Variants in PTPRQ observed in about 807,000 individuals in gnomAD.
PTPRQ encodes phosphatidylinositol phosphatase PTPRQ.
A neutral mutation model predicts 246.0 loss-of-function variants in PTPRQ; 199 were observed. The ratio of observed to expected loss-of-function variants is 0.81; its 90% CI spans 0.72 to 0.91. PTPRQ has a LOEUF of 0.91. PTPRQ is among the 40% of genes least tolerant of loss of function. PTPRQ has a pLI of 0.00. For missense variants in PTPRQ, 2,624 were observed against 2,528.4 expected (o/e 1.04, Z -0.81); for synonymous variants, 869 against 853.2 (o/e 1.02, Z -0.32).
At chr12:80,657,962 T>G in intron 38 of PTPRQ, 23 bp from the exon 39 acceptor site, 7 of 1,375,588 alleles carry the variant, frequency 5.1e-6, no homozygotes, top group Non-Finnish European at 6.7e-6. Context: ...CAATTAACAT[T>G]GATTCCTTAT....
chr12:80,657,150 C>T (rs1478119916), intron 38 of PTPRQ, among the ~76,000 whole-genome samples: 1 of 151,690 alleles, frequency 6.6e-6, no homozygotes. Flanking sequence ...GATATGTAGC[C>T]TTCTGTTTTT....
chr12:80,517,103 G>C (rs1895326974), intron 17 of PTPRQ, among the ~76,000 whole-genome samples: 1 of 152,138 alleles, frequency 6.6e-6, no homozygotes, highest in Non-Finnish European at 1.5e-5. Flanking sequence ...TCTGAAGCTT[G>C]AGTGCCAAGG....
At position 80,500,151 on chromosome 12, in the gene PTPRQ, G is replaced by A. The variant is rs534696073; in HGVS notation, c.2272+3620G>A. On this transcript the variant is annotated intron_variant, in intron 14 of 44. Coordinates refer to ENST00000644991, the MANE Select transcript of PTPRQ (RefSeq NM_001145026.2). ...TTATATGCCAAACAATAGTCTTTTG[G>A]CAGATTCAAGGTAACTTCCCTTTTT... 9.9e-5 allele frequency among the ~76,000 whole-genome samples: 15 copies of A among 151,998 alleles called. No individual in the cohort carries two copies. The South Asian group carries it at 2.5e-3, about 25-fold the overall frequency.
intron 25 of PTPRQ, among the ~76,000 whole-genome samples, chr12:80,553,385 T>C (rs116299009): frequency 0.013 from 2,001 of 152,204 alleles, 52 homozygotes; most frequent in African/African-American, 0.046. Flanking sequence ...AATTGTTTGT[T>C]GATAAGAGGT....
At chr12:80,589,264 C>G (rs1565804536) in intron 26 of PTPRQ, among the ~76,000 whole-genome samples, 1 of 152,082 alleles carries the variant, frequency 6.6e-6, no homozygotes, top group Non-Finnish European at 1.5e-5. Flanking sequence ...AGTTGCAAAT[C>G]AAGTCCTGCA....
intron 35 of PTPRQ, among the ~76,000 whole-genome samples, chr12:80,638,560 A>G (rs1899741874): frequency 6.6e-6 from 1 of 152,158 alleles, no homozygotes; most frequent in South Asian, 2.1e-4. Flanking sequence ...TATTTTAGAA[A>G]TTATTTAACT....
At chr12:80,479,398 A>G (rs7974128) in intron 8 of PTPRQ, among the ~76,000 whole-genome samples, 9,873 of 151,810 alleles carry the variant, frequency 0.065, 774 homozygotes, top group African/African-American at 0.19. Context: ...GAAAGGAACA[A>G]CTGGTACCAG....
intron 23 of PTPRQ, among the ~76,000 whole-genome samples, chr12:80,544,125 A>G (rs1896235051): frequency 6.6e-6 from 1 of 152,102 alleles, no homozygotes; most frequent in Non-Finnish European, 1.5e-5. Context: ...CTGACTCCAA[A>G]TTACCTGGCT....
intron 25 of PTPRQ, among the ~76,000 whole-genome samples, chr12:80,583,340 T>C (rs543058531): frequency 6.6e-6 from 1 of 152,328 alleles, no homozygotes; most frequent in East Asian, 1.9e-4. Flanking sequence ...TGAGTGATTT[T>C]TTTCAATATT....
At chr12:80,652,680 TA>T (rs1425373311) in intron 37 of PTPRQ, 63 bp from the exon 38 acceptor site, 1 of 1,414,156 alleles carries the variant, frequency 7.1e-7, no homozygotes, top group Non-Finnish European at 9.2e-7. Context: ...AACTGTCTTT[TA>T]ATAAGTGAAA....
intron 1 of PTPRQ, 84 bp from the exon 2 acceptor site, chr12:80,444,657 T>C (rs1046530359): frequency 9.9e-7 from 1 of 1,010,332 alleles, no homozygotes. Context: ...GAAGAGTTAA[T>C]TTTTGTTATA....
rs1893520295 is a variant in PTPRQ, at chr12:80,468,613, T to C, written c.911-97T>C. ...TCTGCTTTTAAGCGCGATATTTTAT[T>C]TTCCTTCTTTGCCTTTGTGTTTTAT... is the stretch of plus-strand genomic sequence containing the variant. On this transcript the variant is annotated intron_variant, in intron 6 of 44. Transcript: ENST00000644991. 4 of 1,225,680 alleles carry C rather than the reference T, an allele frequency of 3.3e-6. No individual in the cohort carries two copies. In the African/African-American group the frequency reaches 4.7e-5, roughly 14 times the overall value. The allele number at this position is 1,225,680 out of a possible 1,614,324, so 75.9% of individuals were successfully genotyped here.
In PTPRQ at chr12:80,510,397, C is replaced by CCCCTG; in HGVS notation, c.2633_2637dup (p.Glu880ProfsTer21). 1 of 1,550,380 alleles carries CCCCTG rather than the reference C, an allele frequency of 6.5e-7. No homozygotes were observed. The highest frequency in any genetic ancestry group is 8.7e-7 in the Non-Finnish European group (1 of 1,146,102). On this transcript the variant is annotated frameshift_variant, in exon 17 of 45. Coordinates refer to ENST00000644991, the MANE Select transcript of PTPRQ (RefSeq NM_001145026.2). LOFTEE classifies it high-confidence loss of function. ...CACGGTGAAGTTGTCATGGCAACCA[C>CCCCTG]CCCTGGAGCCAAATGGAATTATCCT...
At position 80,679,180 on chromosome 12, in the gene PTPRQ, T is replaced by C; in HGVS notation, c.*157T>C. On this transcript the variant is annotated 3_prime_UTR_variant, in exon 45 of 45. Transcript: ENST00000644991. ...ACGGATTGAACATTTTAAGACTAGT[T>C]CTTGAAAATAGCTAATACAGAATAA... 1 of 767,282 alleles carries C rather than the reference T, an allele frequency of 1.3e-6. No individual in the cohort carries two copies. The highest frequency in any genetic ancestry group is 3.0e-5 in the East Asian group (1 of 33,520). 47.5% of individuals were successfully genotyped at this position (767,282 alleles called of 1,614,324 possible). A position where few individuals can be genotyped will look rare whatever the true frequency, so the allele number is the denominator to read the frequency against.
At chr12:80,553,154 A>G (rs1207606339) in intron 25 of PTPRQ, among the ~76,000 whole-genome samples, 1 of 152,106 alleles carries the variant, frequency 6.6e-6, no homozygotes, top group Non-Finnish European at 1.5e-5. Context: ...ACTCCATTAC[A>G]ATATATTATT....
chr12:80,634,834 T>C (rs1240894079), intron 34 of PTPRQ, 111 bp from the exon 35 acceptor site: 23 of 1,436,902 alleles, frequency 1.6e-5, no homozygotes, highest in Non-Finnish European at 1.7e-5. Flanking sequence ...GAGAGGTGAT[T>C]TTAACAAGGA....
At chr12:80,543,296 C>T (rs1333094145) in intron 23 of PTPRQ, among the ~76,000 whole-genome samples, 2 of 151,842 alleles carry the variant, frequency 1.3e-5, no homozygotes, top group Non-Finnish European at 2.9e-5. Context: ...TTCCAGATAG[C>T]ATATGATCCT....
chr12:80,548,005 G>A (rs905889198), intron 24 of PTPRQ, among the ~76,000 whole-genome samples: 2 of 152,058 alleles, frequency 1.3e-5, no homozygotes, highest in African/African-American at 4.8e-5. Flanking sequence ...CATGACTGCA[G>A]GAAATGCATG....
intron 17 of PTPRQ, among the ~76,000 whole-genome samples, chr12:80,532,354 T>C (rs774869158): frequency 1.3e-5 from 2 of 152,040 alleles, no homozygotes; most frequent in Non-Finnish European, 2.9e-5. Flanking sequence ...TCCTGAAAGC[T>C]GGGACCACAG....
Sources: gnomAD v4.1 joint callset for allele counts (sites outside exome capture counted in the v4.1 genomes callset) on GRCh38, gnomAD v4.1.1 for gene constraint, MANE v1.5 for transcripts, NCBI Gene and HGNC (gene_info 2026-07-23, HGNC 2026-07-21) for gene names.